The following EBF2 variants were observed in gnomAD, a reference collection of about 807,000 sequenced individuals.
EBF2 encodes EBF transcription factor 2.
EBF2 carries 21 observed loss-of-function variants against 72.8 expected under a neutral mutation model. The observed-to-expected ratio is 0.29, with a 90% CI of 0.20 to 0.42. The LOEUF is 0.42. Among genes scored for constraint, EBF2 ranks in the 10% least tolerant of loss-of-function variants. EBF2 has a pLI of 1.00. For synonymous variants in EBF2, 299 were observed against 274.2 expected (o/e 1.09, Z -0.89); for missense variants, 637 against 731.2 (o/e 0.87, Z 1.49).
intron 6 of EBF2, among the ~76,000 whole-genome samples, chr8:26,025,192 G>A (rs577533954): frequency 6.6e-6 from 1 of 152,120 alleles, no homozygotes; most frequent in Non-Finnish European, 1.5e-5. Context: ...GTTCCGGACA[G>A]GGGGATTCAC....
At chr8:25,850,485 G>A (rs759648993) in intron 15 of EBF2, 109 bp downstream of exon 15, 2 of 1,291,660 alleles carry the variant, frequency 1.5e-6, no homozygotes, top group Non-Finnish European at 1.0e-6. Flanking sequence ...GAACAGCAAA[G>A]CATCTCTTTG....
At chr8:26,032,942 A>G (rs1805433281) in intron 6 of EBF2, 143 bp downstream of exon 6, 5 of 692,050 alleles carry the variant, frequency 7.2e-6, no homozygotes, top group Non-Finnish European at 1.2e-5. Context: ...GGCCAGCATG[A>G]GGAGGCCTTT....
chr8:26,002,413 G>T (rs995441840), intron 6 of EBF2, among the ~76,000 whole-genome samples: 1 of 152,200 alleles, frequency 6.6e-6, no homozygotes, highest in Admixed American at 6.5e-5. Context: ...GGCAGCCAGC[G>T]CCGAGCCTAC....
chr8:25,888,971 T>C (rs1173808211), intron 8 of EBF2, among the ~76,000 whole-genome samples: 1 of 152,204 alleles, frequency 6.6e-6, no homozygotes, highest in Non-Finnish European at 1.5e-5. Flanking sequence ...CTCCAAATTC[T>C]TTACTGATTC....
In EBF2 at chr8:26,041,022, T is replaced by C; in HGVS notation, c.289-20A>G. Reference sequence around the variant, plus strand: ...TTGTTCCTGAAAAGACAGGCAGCGTTCGATTCCCTTGCCTTTCAGCCCCCC... The same window carrying C: ...TTGTTCCTGAAAAGACAGGCAGCGTCCGATTCCCTTGCCTTTCAGCCCCCC... On this transcript the variant is annotated intron_variant, in intron 2 of 15. Transcript: ENST00000520164. The C allele has an allele frequency of 6.2e-7, 1 of 1,613,742 alleles. No homozygotes were observed. The highest frequency in any genetic ancestry group is 1.1e-5 in the South Asian group (1 of 90,898).
intron 9 of EBF2, among the ~76,000 whole-genome samples, chr8:25,887,209 T>C (rs1802704989): frequency 6.6e-6 from 1 of 151,924 alleles, no homozygotes; most frequent in Non-Finnish European, 1.5e-5. Flanking sequence ...CTTTATTTCC[T>C]ACAAGCCCAG....
intron 1 of EBF2, among the ~76,000 whole-genome samples, chr8:26,043,311 A>T (rs2117269521): frequency 6.6e-6 from 1 of 152,362 alleles, no homozygotes; most frequent in South Asian, 2.1e-4. Flanking sequence ...AAGCACCTTC[A>T]TTCACTCTTT....
chr8:25,971,595 G>A (rs951810116), intron 6 of EBF2, among the ~76,000 whole-genome samples: 4 of 152,070 alleles, frequency 2.6e-5, no homozygotes, highest in Non-Finnish European at 5.9e-5. Flanking sequence ...ATGTTGGTTG[G>A]TATTTTAAAT....
At chr8:25,934,230 C>T (rs1166861956) in intron 6 of EBF2, among the ~76,000 whole-genome samples, 4 of 42,874 alleles carry the variant, frequency 9.3e-5, no homozygotes, top group African/African-American at 6.9e-4. Context: ...TGCATACACA[C>T]ACACACACAC....
At chr8:25,938,873 C>T (rs1803623767) in intron 6 of EBF2, among the ~76,000 whole-genome samples, 2 of 152,232 alleles carry the variant, frequency 1.3e-5, no homozygotes, top group South Asian at 4.1e-4. Flanking sequence ...ACACCTCTCT[C>T]TCTAGGATGC....
chr8:26,000,378 T>C (rs781112169), intron 6 of EBF2, among the ~76,000 whole-genome samples: 40 of 152,230 alleles, frequency 2.6e-4, no homozygotes, highest in Admixed American at 1.2e-3. Context: ...TTGGGGAAGA[T>C]GGAGAAGACA....
At chr8:26,028,142 A>AT (rs1178716567) in intron 6 of EBF2, among the ~76,000 whole-genome samples, 1 of 152,196 alleles carries the variant, frequency 6.6e-6, no homozygotes, top group Non-Finnish European at 1.5e-5. Context: ...ACCACAATTA[A>AT]TTTTTTAAAA....
At chr8:25,852,540 A>G (rs999564905) in intron 14 of EBF2, among the ~76,000 whole-genome samples, 7 of 152,118 alleles carry the variant, frequency 4.6e-5, no homozygotes, top group South Asian at 2.1e-4. Flanking sequence ...ATATTCAGCA[A>G]ATGACTCACT....
intron 4 of EBF2, 126 bp downstream of exon 4, chr8:26,040,490 A>C: frequency 2.6e-6 from 2 of 778,750 alleles, no homozygotes; most frequent in Non-Finnish European, 4.0e-6. Context: ...TGGGAGGGGG[A>C]CGTGGAGGGG....
intron 6 of EBF2, among the ~76,000 whole-genome samples, chr8:25,948,073 A>G (rs771323829): frequency 2.0e-5 from 3 of 152,136 alleles, no homozygotes; most frequent in Non-Finnish European, 4.4e-5. Flanking sequence ...GTGGCCAAGC[A>G]TTCATTCATT....
chr8:26,034,034 T>A (rs1805452952), intron 5 of EBF2, among the ~76,000 whole-genome samples: 1 of 152,188 alleles, frequency 6.6e-6, no homozygotes. Context: ...TATGATATTT[T>A]AGATATTTGT....
In EBF2 at chr8:25,937,942, T is replaced by C. The variant is rs1046332885; in HGVS notation, c.552-29387A>G. ...ACCCAAGTTCGCTTTACCTCCATAC[T>C]ACAGAGTGTGGGGGTGAAAAAGATG... On this transcript the variant is annotated intron_variant, in intron 6 of 15. Transcript: ENST00000520164. Among the ~76,000 whole-genome samples the C allele has an allele frequency of 8.6e-5, 13 of 151,586 alleles. No homozygotes were observed. In the East Asian group the frequency reaches 2.5e-3, roughly 29 times the overall value.
intron 10 of EBF2, among the ~76,000 whole-genome samples, chr8:25,871,369 C>A (rs1399838848): frequency 1.3e-5 from 2 of 152,178 alleles, no homozygotes; most frequent in Non-Finnish European, 1.5e-5. Context: ...GTTCTGCCAA[C>A]CTTTTGGCTG....
At chr8:25,887,549 G>GT (rs952876559) in intron 9 of EBF2, among the ~76,000 whole-genome samples, 7 of 151,720 alleles carry the variant, frequency 4.6e-5, no homozygotes, top group Admixed American at 2.6e-4. Context: ...TGTTGTCCTT[G>GT]TTTTTTTTCT....
Sources: allele counts gnomAD v4.1 joint callset (sites outside exome capture counted in the v4.1 genomes callset), GRCh38; gene constraint gnomAD v4.1.1; transcripts MANE v1.5; gene names NCBI Gene and HGNC (gene_info 2026-07-23, HGNC 2026-07-21).